The following NADK variants were observed in gnomAD, a reference collection of about 807,000 sequenced individuals.
NADK encodes poly(P)/ATP NAD kinase.
Under a neutral mutation model 49.8 loss-of-function variants are expected in NADK, and 22 were observed. The ratio of observed to expected loss-of-function variants is 0.44; its 90% CI spans 0.32 to 0.63. NADK has a LOEUF of 0.63. NADK is among the 30% of genes least tolerant of loss of function. The probability of loss-of-function intolerance (pLI) is 0.06; values close to 1 mark genes in which losing one functional copy is unlikely to be tolerated. For missense variants in NADK, 438 were observed against 609.4 expected, an observed-to-expected ratio of 0.72 and a Z score of 2.96; for synonymous variants, 268 against 253.7, an observed-to-expected ratio of 1.06 and a Z score of -0.54.
intron 3 of NADK, chr1:1,761,554 C>G (rs1040777356): frequency 1.6e-5 from 3 of 183,696 alleles, no homozygotes; most frequent in Non-Finnish European, 3.5e-5. Context: ...GCAAACGCAA[C>G]CCACCCCAGA....
intron 1 of NADK, among the ~76,000 whole-genome samples, chr1:1,769,889 C>G (rs962194021): frequency 1.3e-5 from 2 of 151,968 alleles, no homozygotes; most frequent in African/African-American, 4.8e-5. Flanking sequence ...CCAGCCTGAC[C>G]AACACAGTGA....
chr1:1,773,743 A>AGAGAAAGAGAGATATTGAGAG (rs1444976342), intron 1 of NADK, among the ~76,000 whole-genome samples: 1 of 148,964 alleles, frequency 6.7e-6, no homozygotes, highest in Admixed American at 6.7e-5. Context: ...AGAGAGAGAG[A>AGAGAAAGAGAGATATTGAGAG]AATAGAGATA....
At chr1:1,753,942 G>A (rs1370800485) in intron 10 of NADK, 109 bp downstream of exon 10, 17 of 1,377,194 alleles carry the variant, frequency 1.2e-5, no homozygotes, top group East Asian at 6.9e-5. Context: ...TGACGAGGCC[G>A]CGTCTGAGGC....
chr1:1,762,815 C>T (rs971945201), intron 2 of NADK, among the ~76,000 whole-genome samples: 3 of 152,192 alleles, frequency 2.0e-5, no homozygotes, highest in African/African-American at 7.2e-5. Context: ...AGATGAACGG[C>T]TCAACAACTT....
At position 1,754,129 on chromosome 1, in the gene NADK, C is replaced by A; in HGVS notation, c.1023G>T (p.Pro341=). The A allele has an allele frequency of 1.9e-6, 3 of 1,611,272 alleles. No homozygotes were observed. Among genetic ancestry groups the A allele is most frequent in the South Asian group, 1.1e-5 (1 of 91,000 alleles). ...GGCAGATGGGCGTGATCATGATGGCCGGCACGTTGGGGTGGATCATGGAGG... is the reference window on the plus strand; with the variant it reads ...GGCAGATGGGCGTGATCATGATGGCAGGCACGTTGGGGTGGATCATGGAGG... The part of the protein sequence containing the change: ...AGASMIHPNV[P]AIMITPICPH... Residue 341 remains proline, a synonymous_variant, in exon 10 of 12, where the codon CCG becomes CCT. Transcript: ENST00000341426. The surrounding 1 kb of genome is among the most constrained non-coding windows in gnomAD (Gnocchi z 4.3).
At chr1:1,756,836 T>C (rs1645539616) in intron 4 of NADK, 1 of 870,170 alleles carries the variant, frequency 1.1e-6, no homozygotes, top group Non-Finnish European at 1.9e-6. Context: ...AAGGCTGTTA[T>C]TTCAGGAGTG....
chr1:1,753,215 G>C (rs1041164016), intron 11 of NADK, among the ~76,000 whole-genome samples, 155 bp from the exon 12 acceptor site: 3 of 152,210 alleles, frequency 2.0e-5, no homozygotes, highest in Non-Finnish European at 4.4e-5. Context: ...AGTGCCCCAT[G>C]GGTGCTGGGA....
rs1646274247 is a variant in NADK at position 1,778,328 on chromosome 1, C to A, written c.-80G>T. The A allele has an allele frequency of 1.3e-5, 2 of 151,282 alleles. No homozygotes were observed. The highest frequency in any genetic ancestry group is 4.8e-5 in the African/African-American group (2 of 41,304). 9.4% of individuals were successfully genotyped at this position (151,282 alleles called of 1,614,324 possible). On this transcript the variant is annotated 5_prime_UTR_variant, in exon 1 of 12. Transcript: ENST00000341426. The surrounding 1 kb of genome is among the most constrained non-coding windows in gnomAD (Gnocchi z 4.9). ...GGCGCCTGCGGGGGCGTCTACATGC[C>A]GGACCGAGCCCGCAGGCCCCGCCGC...
At chr1:1,758,464 C>A (rs546090090) in intron 3 of NADK, 3 of 1,612,388 alleles carry the variant, frequency 1.9e-6, no homozygotes, top group East Asian at 2.2e-5. Context: ...GTAGCCCCTG[C>A]CTGCTGGGAG....
At chr1:1,759,242 A>G in intron 3 of NADK, 1 of 1,568,038 alleles carries the variant, frequency 6.4e-7, no homozygotes, top group Non-Finnish European at 8.6e-7. Flanking sequence ...TTCCTGGGTC[A>G]CCTGCAAAGC....
At chr1:1,755,568 T>C (rs1645489332) in intron 6 of NADK, 92 bp from the exon 7 acceptor site, 1 of 915,940 alleles carries the variant, frequency 1.1e-6, no homozygotes, top group Middle Eastern at 3.0e-4. Context: ...GACCCAGCTC[T>C]GTGGGGACAG....
At chr1:1,756,762 C>T in intron 4 of NADK, 154 bp from the exon 5 acceptor site, 1 of 1,313,322 alleles carries the variant, frequency 7.6e-7, no homozygotes, top group Non-Finnish European at 1.1e-6. Context: ...CACCAACGCG[C>T]CAGGAGGAAG....
At chr1:1,760,017 G>A in intron 3 of NADK, 4 of 1,132,436 alleles carry the variant, frequency 3.5e-6, no homozygotes, top group Non-Finnish European at 2.5e-6. Context: ...GGGGCCGGGA[G>A]GGCAGTGGAG....
At chr1:1,777,702 G>GA (rs1262295136) in intron 1 of NADK, among the ~76,000 whole-genome samples, 2 of 148,896 alleles carry the variant, frequency 1.3e-5, no homozygotes, top group East Asian at 2.1e-4. Flanking sequence ...CCACAATTAA[G>GA]AAAAAAAACG....
rs774519573 is a variant in NADK, at chr1:1,754,224, G to A, written c.944-16C>T. ...ACGATCACTCCTGACAGGGACAGGC[G>A]CAGGCGTCACTCCCGCCCGAGGGAC... On this transcript the variant is annotated splice_polypyrimidine_tract_variant and intron_variant, in intron 9 of 11. Transcript: ENST00000341426. The surrounding 1 kb of genome is among the most constrained non-coding windows in gnomAD (Gnocchi z 4.3). The A allele has an allele frequency of 1.1e-5, 17 of 1,612,806 alleles. No individual in the cohort carries two copies. The highest frequency in any genetic ancestry group is 6.6e-5 in the South Asian group (6 of 91,068).
chr1:1,759,083 C>T (rs1402638725), intron 3 of NADK: 1 of 1,516,218 alleles, frequency 6.6e-7, no homozygotes, highest in South Asian at 1.2e-5. Flanking sequence ...GCTCTCCCCG[C>T]CAACAGTCAC....
At chr1:1,753,904 T>C in intron 10 of NADK, 147 bp downstream of exon 10, 1 of 1,093,514 alleles carries the variant, frequency 9.1e-7, no homozygotes, top group East Asian at 2.5e-5. Context: ...AAGGCTTGCA[T>C]CTGAGGGGGC....
intron 4 of NADK, 33 bp downstream of exon 4, chr1:1,757,148 A>AACCCCC: frequency 3.5e-6 from 3 of 859,202 alleles, no homozygotes; most frequent in Admixed American, 2.3e-5. Flanking sequence ...CTCCATGTGC[A>AACCCCC]CCCCAGGCCC....
At chr1:1,758,949 G>T (rs1287517345) in intron 3 of NADK, among the ~76,000 whole-genome samples, 3 of 152,210 alleles carry the variant, frequency 2.0e-5, no homozygotes. Context: ...AGGTGGAAGG[G>T]CGTTCCCTGC....
Sources: allele counts gnomAD v4.1 joint callset (sites outside exome capture counted in the v4.1 genomes callset), GRCh38; gene constraint gnomAD v4.1.1; non-coding constraint Gnocchi (gnomAD v3.1); transcripts MANE v1.5; gene names NCBI Gene and HGNC (gene_info 2026-07-23, HGNC 2026-07-21).